LRRFIP1: variants seen among roughly 807,000 people sequenced by gnomAD.
The protein encoded by LRRFIP1 is LRR binding FLII interacting protein 1, also known as leucine-rich repeat flightless-interacting protein 1.
Under a neutral mutation model 104.4 loss-of-function variants are expected in LRRFIP1, and 62 were observed. The ratio of observed to expected loss-of-function variants is 0.59; its 90% CI spans 0.48 to 0.73. The LOEUF is 0.73. Among genes scored for constraint, LRRFIP1 ranks in the 30% least tolerant of loss-of-function variants. LRRFIP1 has a pLI of 0.00. For synonymous variants in LRRFIP1, 300 were observed against 299.0 expected, an observed-to-expected ratio of 1.00 and a Z score of -0.03; for missense variants, 796 against 824.5, an observed-to-expected ratio of 0.97 and a Z score of 0.42.
chr2:237,717,924 C>T lies in LRRFIP1; in HGVS notation c.249+115C>T. ...GCAGTTTAACTATGTAGATAGATTC[C>T]TATTGCACCATAATTTAATACTGAG... is the stretch of plus-strand genomic sequence containing the variant. On this transcript the variant is annotated intron_variant, in intron 4 of 23. Coordinates refer to ENST00000308482, the MANE Select transcript of LRRFIP1 (RefSeq NM_001137550.2). This position sits in a 1 kb window ranked among gnomAD's most constrained non-coding sequence, Gnocchi z 4.2. 1 of 846,890 alleles carries T rather than the reference C, an allele frequency of 1.2e-6. No homozygotes were observed. The highest frequency in any genetic ancestry group is 1.8e-5 in the Admixed American group (1 of 56,432). The allele number at this position is 846,890 out of a possible 1,614,324, so 52.5% of individuals were successfully genotyped here. A position where few individuals can be genotyped will look rare whatever the true frequency, so the allele number is the denominator to read the frequency against.
chr2:237,629,467 C>CT (rs745503726), intron 1 of LRRFIP1, among the ~76,000 whole-genome samples: 9,158 of 116,996 alleles, frequency 0.078, 420 homozygotes, highest in South Asian at 0.16. Flanking sequence ...TTTCTTTCTT[C>CT]TTTTTTTTTT....
intron 1 of LRRFIP1, among the ~76,000 whole-genome samples, chr2:237,690,736 C>T (rs924526560): frequency 8.6e-6 from 1 of 116,400 alleles, no homozygotes; most frequent in African/African-American, 2.7e-5. Context: ...GACTCCATCT[C>T]AAAAAAAAAA....
Position 237,704,667 on chromosome 2 carries a change from C to T in LRRFIP1, c.97-3877C>T, listed in dbSNP as rs572191564. On this transcript the variant is annotated intron_variant, in intron 1 of 23. Coordinates refer to ENST00000308482, the MANE Select transcript of LRRFIP1 (RefSeq NM_001137550.2). ...CCGGTATTGCCAGCACTTTGTTTTC[C>T]ACATATGAGTCATGTGAGGATCGTA... is the stretch of plus-strand genomic sequence containing the variant. Among the ~76,000 whole-genome samples the T allele has an allele frequency of 9.9e-5, 15 of 152,224 alleles. No individual in the cohort carries two copies. In the East Asian group the frequency reaches 2.1e-3, roughly 22 times the overall value.
At chr2:237,744,639 G>T (rs2057560292) in intron 11 of LRRFIP1, among the ~76,000 whole-genome samples, 1 of 152,268 alleles carries the variant, frequency 6.6e-6, no homozygotes, top group Non-Finnish European at 1.5e-5. Flanking sequence ...ACGTGTTTTA[G>T]AAGTGACTGT....
At chr2:237,777,142 C>CATATGTGT (rs957940189) in intron 23 of LRRFIP1, among the ~76,000 whole-genome samples, 8 of 152,182 alleles carry the variant, frequency 5.3e-5, no homozygotes, top group Admixed American at 3.9e-4. Context: ...CACCCTCACA[C>CATATGTGT]ATATGTGTAT....
intron 19 of LRRFIP1, 91 bp from the exon 20 acceptor site, chr2:237,769,852 C>A: frequency 1.1e-6 from 1 of 952,220 alleles, no homozygotes; most frequent in Non-Finnish European, 1.7e-6. Context: ...ATTCATTTCA[C>A]TAACCTGAAC....
chr2:237,700,511 T>A (rs758651824), intron 1 of LRRFIP1, among the ~76,000 whole-genome samples: 1 of 152,230 alleles, frequency 6.6e-6, no homozygotes, highest in Non-Finnish European at 1.5e-5. Context: ...TTTTCACTTC[T>A]CTGCTTGACG....
chr2:237,629,993 C>T (rs13398270), intron 1 of LRRFIP1, among the ~76,000 whole-genome samples: 3,827 of 152,208 alleles, frequency 0.025, 181 homozygotes, highest in African/African-American at 0.087. Context: ...GTTTTCTCGT[C>T]TCTAAAATGG....
In LRRFIP1 at chr2:237,735,552, A is replaced by G. The variant is rs2095216184; in HGVS notation, c.555+219A>G. 2 of 530,780 alleles carry G rather than the reference A, an allele frequency of 3.8e-6. No homozygotes were observed. The highest frequency in any genetic ancestry group is 6.7e-6 in the Non-Finnish European group (2 of 299,492). The allele number at this position is 530,780 out of a possible 1,614,324, so 32.9% of individuals were successfully genotyped here. ...TTTCATGTCCTCACTCATCAGGGAG[A>G]GTAACTTGCACTGAGTTTCATCTGC... On this transcript the variant is annotated intron_variant, in intron 10 of 23. Coordinates refer to ENST00000308482, the MANE Select transcript of LRRFIP1 (RefSeq NM_001137550.2). This position sits in a 1 kb window ranked among gnomAD's most constrained non-coding sequence, Gnocchi z 4.6.
chr2:237,633,721 A>G (rs1427010817), intron 1 of LRRFIP1, among the ~76,000 whole-genome samples: 1 of 152,204 alleles, frequency 6.6e-6, no homozygotes, highest in Non-Finnish European at 1.5e-5. Flanking sequence ...TGTTTGACAG[A>G]GAGAAAACAG....
intron 1 of LRRFIP1, among the ~76,000 whole-genome samples, chr2:237,682,905 C>T (rs946618340): frequency 5.9e-5 from 9 of 152,236 alleles, no homozygotes; most frequent in South Asian, 4.1e-4. Context: ...TAAGCTGAGA[C>T]ATGAATGTGC....
intron 1 of LRRFIP1, among the ~76,000 whole-genome samples, chr2:237,690,453 T>C (rs1013815679): frequency 3.9e-5 from 6 of 152,180 alleles, no homozygotes; most frequent in Admixed American, 1.3e-4. Context: ...AGAATTGTGA[T>C]AGGCCAGGCG....
chr2:237,772,986 G>C (rs751367815), intron 22 of LRRFIP1, 41 bp downstream of exon 22: 1 of 1,508,464 alleles, frequency 6.6e-7, no homozygotes, highest in South Asian at 1.1e-5. Context: ...TGATTGACTG[G>C]AGTTTTACTT....
chr2:237,697,258 A>C (rs1013712356), intron 1 of LRRFIP1, among the ~76,000 whole-genome samples: 9 of 152,094 alleles, frequency 5.9e-5, no homozygotes, highest in East Asian at 3.9e-4. Context: ...CCTGACCTCA[A>C]GTGATCCTCC....
In LRRFIP1 at chr2:237,711,383, G is replaced by A. The variant is rs919016976; in HGVS notation, c.183+2753G>A. On this transcript the variant is annotated intron_variant, in intron 2 of 23. Coordinates refer to ENST00000308482, the MANE Select transcript of LRRFIP1 (RefSeq NM_001137550.2). This position sits in a 1 kb window ranked among gnomAD's most constrained non-coding sequence, Gnocchi z 4.4. ...GGGGTCACAGGGGTCAAGATATCTCGCCCTGTTGCAAATTCGGCGGAACAT... is the reference window on the plus strand; with the variant it reads ...GGGGTCACAGGGGTCAAGATATCTCACCCTGTTGCAAATTCGGCGGAACAT... Among the ~76,000 whole-genome samples, 4 of 152,316 alleles carry A rather than the reference G, an allele frequency of 2.6e-5. No homozygotes were observed. Among genetic ancestry groups the A allele is most frequent in the Non-Finnish European group, 5.9e-5 (4 of 68,032 alleles).
chr2:237,767,648 G>A (rs1453060123), intron 19 of LRRFIP1, among the ~76,000 whole-genome samples: 2 of 152,128 alleles, frequency 1.3e-5, no homozygotes, highest in Admixed American at 6.5e-5. Flanking sequence ...GTAATTAACC[G>A]GAGACCTAAT....
intron 9 of LRRFIP1, 73 bp downstream of exon 9, chr2:237,733,891 G>A (rs2095129100): frequency 6.5e-7 from 1 of 1,530,358 alleles, no homozygotes; most frequent in East Asian, 2.3e-5. Context: ...CAAGCCCAGA[G>A]CCGGGGATGT....
chr2:237,682,520 T>A (rs1342790977), intron 1 of LRRFIP1, among the ~76,000 whole-genome samples: 2 of 152,238 alleles, frequency 1.3e-5, no homozygotes, highest in Non-Finnish European at 2.9e-5. Context: ...GGTGCAGGGT[T>A]GTTTTCTCTC....
rs1358868163 is a variant in LRRFIP1, at chr2:237,693,587, C to G, written c.97-14957C>G. On this transcript the variant is annotated intron_variant, in intron 1 of 23. Coordinates refer to ENST00000308482, the MANE Select transcript of LRRFIP1 (RefSeq NM_001137550.2). ...TTTTTACCCCTTCAACTAATTAGTT[C>G]CTAGGGGCCTGGGAAGAGAGACCCT... Among the ~76,000 whole-genome samples the G allele has an allele frequency of 2.0e-5, 3 of 151,216 alleles. No homozygotes were observed. In the East Asian group the frequency reaches 6.3e-4, roughly 32 times the overall value.
Sources: allele counts gnomAD v4.1 joint callset (sites outside exome capture counted in the v4.1 genomes callset), GRCh38; gene constraint gnomAD v4.1.1; non-coding constraint Gnocchi (gnomAD v3.1); transcripts MANE v1.5; gene names NCBI Gene and HGNC (gene_info 2026-07-23, HGNC 2026-07-21).